Variants in RORA observed in about 807,000 individuals in gnomAD.
The protein encoded by RORA is RAR related orphan receptor A.
RORA carries 7 observed loss-of-function variants against 69.5 expected under a neutral mutation model. The ratio of observed to expected loss-of-function variants is 0.10; its 90% confidence interval spans 0.06 to 0.19. The LOEUF (loss-of-function observed/expected upper bound fraction) is 0.19. Ranked by LOEUF, RORA falls within the 10% of genes least tolerant of loss-of-function variation. The probability of loss-of-function intolerance (pLI) is 1.00; values close to 1 mark genes in which losing one functional copy is unlikely to be tolerated. For synonymous variants in RORA, 261 were observed against 240.8 expected (o/e 1.08, Z -0.78); for missense variants, 457 against 663.0 (o/e 0.69, Z 3.41).
intron 1 of RORA, among the ~76,000 whole-genome samples, chr15:60,711,407 A>C (rs1016886650): frequency 2.0e-5 from 3 of 152,230 alleles, no homozygotes; most frequent in African/African-American, 7.2e-5. Flanking sequence ...TAATGAATAA[A>C]TATCAAAAAG....
intron 2 of RORA, among the ~76,000 whole-genome samples, chr15:60,608,976 A>G (rs1253909965): frequency 6.6e-6 from 1 of 152,168 alleles, no homozygotes; most frequent in African/African-American, 2.4e-5. Flanking sequence ...CCCCGTGTCT[A>G]TCATGACATT....
chr15:60,584,289 A>G (rs991149106), intron 2 of RORA, among the ~76,000 whole-genome samples: 2 of 152,256 alleles, frequency 1.3e-5, no homozygotes, highest in African/African-American at 4.8e-5. Flanking sequence ...CAGTTTCAGA[A>G]CCACTGTTTC....
chr15:60,748,559 C>T (rs1219683737), intron 1 of RORA, among the ~76,000 whole-genome samples: 1 of 152,198 alleles, frequency 6.6e-6, no homozygotes, highest in Non-Finnish European at 1.5e-5. Flanking sequence ...TTGTCCTGAG[C>T]TGGGTTCTTA....
chr15:60,776,418 G>C (rs537446137), intron 1 of RORA, among the ~76,000 whole-genome samples: 3 of 152,310 alleles, frequency 2.0e-5, no homozygotes, highest in African/African-American at 7.2e-5. Flanking sequence ...GACGCAAAAG[G>C]CTGCCTGCTG....
intron 1 of RORA, among the ~76,000 whole-genome samples, chr15:61,153,139 C>A (rs900939250): frequency 2.0e-5 from 3 of 152,060 alleles, no homozygotes; most frequent in African/African-American, 7.2e-5. Context: ...AGCCCTGGAG[C>A]CTGCAGCACT....
At chr15:60,671,724 G>A (rs1240030401) in intron 2 of RORA, among the ~76,000 whole-genome samples, 1 of 151,798 alleles carries the variant, frequency 6.6e-6, no homozygotes, top group African/African-American at 2.4e-5. Flanking sequence ...TGATTCTCAT[G>A]CCTCAGCCTC....
At chr15:61,113,112 T>C (rs1404069875) in intron 1 of RORA, among the ~76,000 whole-genome samples, 1 of 152,260 alleles carries the variant, frequency 6.6e-6, no homozygotes, top group Non-Finnish European at 1.5e-5. Context: ...GTGCTGCATC[T>C]GGCTCCTGCT....
intron 2 of RORA, among the ~76,000 whole-genome samples, chr15:60,562,840 G>T (rs2067611497): frequency 6.6e-6 from 1 of 152,106 alleles, no homozygotes; most frequent in Non-Finnish European, 1.5e-5. Flanking sequence ...GACTCCCAAA[G>T]TGCTGACATT....
intron 1 of RORA, among the ~76,000 whole-genome samples, chr15:60,930,616 T>C (rs1025930355): frequency 4.6e-5 from 7 of 152,230 alleles, no homozygotes; most frequent in African/African-American, 1.7e-4. Context: ...TTGGAATTAA[T>C]GCAACAGCCT....
intron 1 of RORA, among the ~76,000 whole-genome samples, chr15:61,141,731 C>T (rs1726426867): frequency 6.6e-6 from 1 of 152,166 alleles, no homozygotes; most frequent in Non-Finnish European, 1.5e-5. Flanking sequence ...ACAGCAAGGT[C>T]CCGCAAGCCT....
intron 1 of RORA, among the ~76,000 whole-genome samples, chr15:61,058,348 T>C (rs1420805978): frequency 6.6e-6 from 1 of 152,112 alleles, no homozygotes; most frequent in African/African-American, 2.4e-5. Flanking sequence ...GATGAGTGAA[T>C]GTGCAGGCGG....
Position 60,494,189 on chromosome 15 carries a change from A to AT in RORA, c.*3265_*3266insA, listed in dbSNP as rs72529738. 6.6e-6 allele frequency: 1 copy of AT among 151,866 alleles called. No homozygotes were observed. Among genetic ancestry groups the AT allele is most frequent in the Admixed American group, 6.6e-5 (1 of 15,216 alleles). 9.4% of individuals were successfully genotyped at this position (151,866 alleles called of 1,614,324 possible). A position where few individuals can be genotyped will look rare whatever the true frequency, so the allele number is the denominator to read the frequency against. ...TTAAGATGCTGAACACTTTAAAAAA[A>AT]ATCCGTAGCTTTAACACAATTTGCA... On this transcript the variant is annotated 3_prime_UTR_variant, in exon 11 of 11. Transcript: ENST00000335670.
chr15:60,822,711 G>T (rs1366959556), intron 1 of RORA, among the ~76,000 whole-genome samples: 1 of 152,192 alleles, frequency 6.6e-6, no homozygotes, highest in Non-Finnish European at 1.5e-5. Context: ...GCACCACCTA[G>T]CATGCGCATT....
chr15:60,951,194 A>G (rs1018142562), intron 1 of RORA, among the ~76,000 whole-genome samples: 1 of 152,112 alleles, frequency 6.6e-6, no homozygotes, highest in African/African-American at 2.4e-5. Flanking sequence ...TGACTAGTGG[A>G]TACATAACGA....
rs563671989 is a variant in RORA, at chr15:61,160,202, C to T, written c.166+68851G>A. ...CTAATCCAAGAACTGACAGGACCTA[C>T]TTCAAACAAACAAAAAATAACAGCA... On this transcript the variant is annotated intron_variant, in intron 1 of 10. Transcript: ENST00000335670. Among the ~76,000 whole-genome samples, 126 of 152,334 alleles carry T rather than the reference C, an allele frequency of 8.3e-4. 1 individual carries two copies. Among genetic ancestry groups the T allele is most frequent in the Non-Finnish European group, 1.4e-3 (95 of 68,026 alleles).
chr15:61,039,555 C>T (rs757382465), intron 1 of RORA, among the ~76,000 whole-genome samples: 10 of 151,660 alleles, frequency 6.6e-5, no homozygotes, highest in Non-Finnish European at 1.0e-4. Context: ...ACCAGCCTGA[C>T]CAACATGGTG....
At chr15:60,956,006 A>C (rs1160755814) in intron 1 of RORA, among the ~76,000 whole-genome samples, 1 of 152,168 alleles carries the variant, frequency 6.6e-6, no homozygotes, top group African/African-American at 2.4e-5. Flanking sequence ...AATCGCTGGC[A>C]CAATTTTAAA....
At chr15:60,566,143 T>C (rs1314806740) in intron 2 of RORA, among the ~76,000 whole-genome samples, 2 of 152,208 alleles carry the variant, frequency 1.3e-5, no homozygotes, top group East Asian at 3.8e-4. Context: ...CTTATGATTA[T>C]TATAATTATG....
intron 1 of RORA, among the ~76,000 whole-genome samples, chr15:60,890,337 C>T (rs1394076701): frequency 6.6e-6 from 1 of 152,214 alleles, no homozygotes; most frequent in Non-Finnish European, 1.5e-5. Context: ...TCTTTAACTA[C>T]AGACCACACC....
Sources: gnomAD v4.1 joint callset for allele counts (sites outside exome capture counted in the v4.1 genomes callset) on GRCh38, gnomAD v4.1.1 for gene constraint, MANE v1.5 for transcripts, NCBI Gene and HGNC (gene_info 2026-07-23, HGNC 2026-07-21) for gene names.